Variants in NFIB observed in about 807,000 individuals in gnomAD.
NFIB encodes the protein nuclear factor 1 B-type.
In NFIB, 11 loss-of-function variants were observed where a neutral mutation model predicts 61.5. The observed-to-expected ratio is 0.18, with a 90% CI of 0.11 to 0.30. The LOEUF (loss-of-function observed/expected upper bound fraction) is 0.30, where lower values mean the gene tolerates loss of function less well. NFIB is among the 10% of genes least tolerant of loss of function. The pLI is 1.00. For synonymous variants in NFIB, 260 were observed against 216.5 expected (o/e 1.20, Z -1.76); for missense variants, 471 against 608.9 (o/e 0.77, Z 2.38).
chr9:14,178,356 A>G (rs2046391887), intron 3 of NFIB, among the ~76,000 whole-genome samples: 1 of 152,122 alleles, frequency 6.6e-6, no homozygotes, highest in South Asian at 2.1e-4. Flanking sequence ...AACTAAAATA[A>G]TATCAATCCT....
At chr9:14,438,345 C>T in the NFIB span, among the ~76,000 whole-genome samples, 1 of 152,182 alleles carries the variant, frequency 6.6e-6, no homozygotes, top group Non-Finnish European at 1.5e-5. Context: ...TACGTGTGAC[C>T]ATCTCAACGC....
rs1479600775 is a variant in NFIB at position 14,146,750 on chromosome 9, G to C, written c.864C>G (p.Asp288Glu). Reference sequence around the variant, plus strand: ...CTGGTGAACTTGGAGAGGGGTAAAAGTCTCCTGTAGGACTTGGTTCCATAT... The same window carrying C: ...CTGGTGAACTTGGAGAGGGGTAAAACTCTCCTGTAGGACTTGGTTCCATAT... ...DENMEPSPTG[D>E]FYPSPSSPAA... The change falls in exon 6 of 11, where the codon GAC becomes GAG. Residue 288 changes from aspartate (D) to glutamate (E), a missense_variant. By Grantham distance (45) the Asp-to-Glu change is conservative. Transcript: ENST00000380953. 6.2e-7 allele frequency: 1 copy of C among 1,609,136 alleles called. No individual in the cohort carries two copies. The highest frequency in any genetic ancestry group is 8.5e-7 in the Non-Finnish European group (1 of 1,178,754).
At chr9:14,417,876 G>C in the NFIB span, among the ~76,000 whole-genome samples, 6 of 147,634 alleles carry the variant, frequency 4.1e-5, no homozygotes, top group East Asian at 1.2e-3. Flanking sequence ...TGCCTCCCGA[G>C]TTCAAGTGAT....
chr9:14,491,390 A>G, the NFIB span, among the ~76,000 whole-genome samples: 1 of 152,224 alleles, frequency 6.6e-6, no homozygotes, highest in African/African-American at 2.4e-5. Context: ...GCAAGAAGAA[A>G]TTTCAGAAAG....
At chr9:14,435,018 T>G in the NFIB span, among the ~76,000 whole-genome samples, 2 of 152,256 alleles carry the variant, frequency 1.3e-5, no homozygotes, top group Non-Finnish European at 2.9e-5. Context: ...AAATGTTCAC[T>G]CACTCACTCC....
At chr9:14,205,224 G>GAGAGGAA (rs1188193889) in intron 2 of NFIB, among the ~76,000 whole-genome samples, 5 of 1,420 alleles carry the variant, frequency 3.5e-3, no homozygotes, top group African/African-American at 8.5e-3. Flanking sequence ...AGGGAGGGGA[G>GAGAGGAA]GGGAGGGGGA....
At chr9:14,449,759 G>A in the NFIB span, among the ~76,000 whole-genome samples, 8 of 151,744 alleles carry the variant, frequency 5.3e-5, no homozygotes, top group East Asian at 2.0e-4. Flanking sequence ...GTGAAACCCC[G>A]TCTCTACTAA....
At chr9:14,436,486 G>A in the NFIB span, among the ~76,000 whole-genome samples, 1 of 152,200 alleles carries the variant, frequency 6.6e-6, no homozygotes, top group African/African-American at 2.4e-5. Flanking sequence ...GTCATTGTGT[G>A]GATAGACTCT....
At chr9:14,438,185 T>C in the NFIB span, among the ~76,000 whole-genome samples, 2 of 152,088 alleles carry the variant, frequency 1.3e-5, no homozygotes, top group African/African-American at 2.4e-5. Context: ...GGATTGCTCA[T>C]ATACTACACA....
chr9:14,364,686 C>T (rs2061279736), intron 1 of NFIB, among the ~76,000 whole-genome samples: 1 of 152,154 alleles, frequency 6.6e-6, no homozygotes, highest in African/African-American at 2.4e-5. Context: ...TGACCCTGAG[C>T]CAGCCCTTTA....
At position 14,387,675 on chromosome 9, in the gene NFIB, CA is replaced by C. The variant is rs369485791; in HGVS notation, c.108+10848del. On this transcript the variant is annotated intron_variant, in intron 1 of 8. Transcript: ENST00000380934. ...TATCATTTCACATCTATCAGACCAGCAAAAAATTTTCCAGTCTGACAAGGTA... is the reference window on the plus strand; with the variant it reads ...TATCATTTCACATCTATCAGACCAGCAAAAATTTTCCAGTCTGACAAGGTA... Among the ~76,000 whole-genome samples the C allele has an allele frequency of 8.0e-4, 122 of 152,226 alleles. 1 individual carries two copies. In the East Asian group the frequency reaches 0.016, roughly 20 times the overall value.
chr9:14,176,842 C>T (rs2046238434), intron 3 of NFIB, among the ~76,000 whole-genome samples: 1 of 152,100 alleles, frequency 6.6e-6, no homozygotes, highest in East Asian at 1.9e-4. Context: ...TGCATCTGCA[C>T]TTATAGGATG....
At chr9:14,344,724 T>C (rs1398002687) in intron 1 of NFIB, among the ~76,000 whole-genome samples, 1 of 151,874 alleles carries the variant, frequency 6.6e-6, no homozygotes, top group East Asian at 1.9e-4. Context: ...AACCTCCTCC[T>C]ACAGGGTTGC....
At chr9:14,478,710 A>G in the NFIB span, among the ~76,000 whole-genome samples, 3 of 152,188 alleles carry the variant, frequency 2.0e-5, no homozygotes, top group Admixed American at 2.0e-4. Flanking sequence ...ATATTTAGGA[A>G]TCCCCTCTAT....
intron 1 of NFIB, among the ~76,000 whole-genome samples, chr9:14,337,410 A>C (rs1417624149): frequency 6.6e-6 from 1 of 152,338 alleles, no homozygotes; most frequent in South Asian, 2.1e-4. Context: ...AAAAAAGTAA[A>C]AGCAAGGAAA....
chr9:14,450,028 G>C, the NFIB span, among the ~76,000 whole-genome samples: 16 of 152,096 alleles, frequency 1.1e-4, no homozygotes, highest in Admixed American at 4.6e-4. Flanking sequence ...GTGCAGGTTT[G>C]TTACCTAGGT....
At position 14,088,125 on chromosome 9, in the gene NFIB, C is replaced by G; in HGVS notation, c.*184G>C. Reference sequence around the variant, plus strand: ...CTTTCTGCCTTTGTGTTGTTTTGTCCAGTCTTCCTCTTTTCCTTTTTTTTT... The same window carrying G: ...CTTTCTGCCTTTGTGTTGTTTTGTCGAGTCTTCCTCTTTTCCTTTTTTTTT... On this transcript the variant is annotated 3_prime_UTR_variant, in exon 11 of 11. Coordinates refer to ENST00000380953, the MANE Select transcript of NFIB (RefSeq NM_001190737.2). 1.5e-6 allele frequency: 2 copies of G among 1,300,802 alleles called. No homozygotes were observed. The highest frequency in any genetic ancestry group is 2.0e-6 in the Non-Finnish European group (2 of 995,802). 80.6% of individuals were successfully genotyped at this position (1,300,802 alleles called of 1,614,324 possible). A position where few individuals can be genotyped will look rare whatever the true frequency, so the allele number is the denominator to read the frequency against.
At chr9:14,507,409 A>C in the NFIB span, among the ~76,000 whole-genome samples, 304 of 152,370 alleles carry the variant, frequency 2.0e-3, 3 homozygotes, top group African/African-American at 6.9e-3. Flanking sequence ...TTTTAAAGCA[A>C]CCATTTCAGT....
the NFIB span, among the ~76,000 whole-genome samples, chr9:14,442,805 G>T: frequency 6.6e-6 from 1 of 152,008 alleles, no homozygotes; most frequent in Non-Finnish European, 1.5e-5. Flanking sequence ...CCTTTTTGAG[G>T]GGACACGGCT....
Sources: allele counts gnomAD v4.1 joint callset (sites outside exome capture counted in the v4.1 genomes callset), GRCh38; gene constraint gnomAD v4.1.1; transcripts MANE v1.5; gene names NCBI Gene and HGNC (gene_info 2026-07-23, HGNC 2026-07-21).